Variants in ADAMTSL2 observed in about 807,000 individuals in gnomAD.
ADAMTSL2 encodes the protein ADAMTS like 2, also known as ADAMTS-like protein 2.
A neutral mutation model predicts 117.0 loss-of-function variants in ADAMTSL2; 55 were observed. The observed-to-expected ratio is 0.47, with a 90% CI of 0.38 to 0.59. The LOEUF (loss-of-function observed/expected upper bound fraction) is 0.59, where lower values mean the gene tolerates loss of function less well. Ranked by LOEUF, ADAMTSL2 falls within the 20% of genes least tolerant of loss-of-function variation. The probability of loss-of-function intolerance (pLI) is 0.00; values close to 1 mark genes in which losing one functional copy is unlikely to be tolerated. For missense variants in ADAMTSL2, 1,182 were observed against 1,354.5 expected (o/e 0.87, Z 2.00); for synonymous variants, 572 against 566.4 (o/e 1.01, Z -0.14).
At chr9:133,563,818 G>GGAGA (rs1359493983) in intron 12 of ADAMTSL2, among the ~76,000 whole-genome samples, 6 of 33,520 alleles carry the variant, frequency 1.8e-4, no homozygotes, top group East Asian at 4.1e-4. Flanking sequence ...AGAGAAAGGG[G>GGAGA]GAGAGAGAGA....
chr9:133,573,987 G>C lies in ADAMTSL2; in HGVS notation c.2737G>C (p.Asp913His). The C allele has an allele frequency of 1.9e-6, 3 of 1,612,352 alleles. No homozygotes were observed. The highest frequency in any genetic ancestry group is 2.5e-6 in the Non-Finnish European group (3 of 1,179,478). Residue 913 changes from aspartate to histidine, a missense_variant and splice_region_variant, in exon 18 of 19, where the codon GAT becomes CAT. Asp to His is a moderately conservative substitution (Grantham distance 81). Transcript: ENST00000651351. The part of the protein sequence containing the change: ...DLQPCPTEPP[D>H]DSCQDQPGTN... Reference sequence around the variant, plus strand: ...GCAGCCCTGCCCCACGGAGCCCCCAGGTGAGGCGCGGGGAGGCCGAGGGTG... The same window carrying C: ...GCAGCCCTGCCCCACGGAGCCCCCACGTGAGGCGCGGGGAGGCCGAGGGTG...
At position 133,554,063 on chromosome 9, in the gene ADAMTSL2, G is replaced by A. The variant is rs1033165675; in HGVS notation, c.940-294G>A. On this transcript the variant is annotated intron_variant, in intron 9 of 18. Coordinates refer to ENST00000651351, the MANE Select transcript of ADAMTSL2 (RefSeq NM_014694.4). This position sits in a 1 kb window ranked among gnomAD's most constrained non-coding sequence, Gnocchi z 5.2. ...TTCTCTGCATACAGCATGCAGAGAC[G>A]AGGGCCCACCTGGGCGTGCCTGGAA... 9.9e-5 allele frequency among the ~76,000 whole-genome samples: 15 copies of A among 152,214 alleles called. No individual in the cohort carries two copies. The highest frequency in any genetic ancestry group is 3.1e-4 in the African/African-American group (13 of 41,450).
chr9:133,535,388 G>A (rs545017341), intron 1 of ADAMTSL2, among the ~76,000 whole-genome samples: 1 of 151,282 alleles, frequency 6.6e-6, no homozygotes, highest in African/African-American at 2.4e-5. Context: ...GGGGGCAGGC[G>A]GCGGGGGCAG....
At chr9:133,543,391 C>CA (rs1294860377) in intron 7 of ADAMTSL2, among the ~76,000 whole-genome samples, 1 of 152,218 alleles carries the variant, frequency 6.6e-6, no homozygotes, top group Non-Finnish European at 1.5e-5. Flanking sequence ...TTTTAAAATG[C>CA]ATTTTGAAGT....
intron 8 of ADAMTSL2, among the ~76,000 whole-genome samples, chr9:133,545,249 C>T (rs117882621): frequency 2.0e-5 from 3 of 152,128 alleles, no homozygotes; most frequent in Non-Finnish European, 4.4e-5. Flanking sequence ...GCTCTGTGCT[C>T]GGCCCTTCCC....
rs138939595 is a variant in ADAMTSL2 at position 133,541,243 on chromosome 9, G to C, written c.682+242G>C. 2.0e-5 allele frequency among the ~76,000 whole-genome samples: 3 copies of C among 152,142 alleles called. No individual in the cohort carries two copies. In the East Asian group the frequency reaches 5.8e-4, roughly 29 times the overall value. On this transcript the variant is annotated intron_variant, in intron 7 of 18. Coordinates refer to ENST00000651351, the MANE Select transcript of ADAMTSL2 (RefSeq NM_014694.4). ...GTACCAGTGGACACTTGGCTTGGGGGTCACATTTGCCCTTTGAGACAGCCT... is the reference window on the plus strand; with the variant it reads ...GTACCAGTGGACACTTGGCTTGGGGCTCACATTTGCCCTTTGAGACAGCCT...
intron 18 of ADAMTSL2, 70 bp downstream of exon 18, chr9:133,574,057 A>G: frequency 6.5e-7 from 1 of 1,538,786 alleles, no homozygotes. Flanking sequence ...TCAGGGCCTG[A>G]GGGGTGAGCA....
At chr9:133,570,112 G>A (rs975808526) in intron 16 of ADAMTSL2, among the ~76,000 whole-genome samples, 2 of 152,252 alleles carry the variant, frequency 1.3e-5, no homozygotes, top group African/African-American at 4.8e-5. Flanking sequence ...TAGCCAATTT[G>A]TTTCAAAACA....
At position 133,534,729 on chromosome 9, in the gene ADAMTSL2, C is replaced by A. The variant is rs1032935367; in HGVS notation, c.-339C>A. On this transcript the variant is annotated 5_prime_UTR_variant, in exon 1 of 19. Coordinates refer to ENST00000651351, the MANE Select transcript of ADAMTSL2 (RefSeq NM_014694.4). ...ACTGGGCTGCGCCCCTCCCGGGAAC[C>A]CCCTCTCTTGGATGCTCTTTGAAGT... 2.9e-6 allele frequency: 4 copies of A among 1,386,052 alleles called. No individual in the cohort carries two copies. The highest frequency in any genetic ancestry group is 3.0e-5 in the African/African-American group (2 of 65,972). 85.9% of individuals were successfully genotyped at this position (1,386,052 alleles called of 1,614,324 possible).
intron 9 of ADAMTSL2, among the ~76,000 whole-genome samples, chr9:133,549,673 C>T (rs922882550): frequency 1.3e-5 from 2 of 151,662 alleles, no homozygotes; most frequent in Non-Finnish European, 2.9e-5. Context: ...GCGTGAGCCA[C>T]CTGCCTTGGC....
At chr9:133,535,509 A>G (rs1268495275) in intron 1 of ADAMTSL2, among the ~76,000 whole-genome samples, 1 of 152,124 alleles carries the variant, frequency 6.6e-6, no homozygotes, top group African/African-American at 2.4e-5. Context: ...GCCTGCAAGG[A>G]AACTCTTCAA....
intron 12 of ADAMTSL2, among the ~76,000 whole-genome samples, chr9:133,563,866 A>AGG (rs1830819478): frequency 2.1e-5 from 1 of 46,862 alleles, no homozygotes; most frequent in African/African-American, 9.8e-5. Flanking sequence ...AGAGAGAGGG[A>AGG]GAGAGAGAGA....
At chr9:133,564,633 A>AGAGAGAGGGAGAGAGG (rs1352690178) in intron 12 of ADAMTSL2, among the ~76,000 whole-genome samples, 3 of 53,580 alleles carry the variant, frequency 5.6e-5, no homozygotes, top group South Asian at 6.6e-4. Context: ...AGGGAGAGAG[A>AGAGAGAGGGAGAGAGG]GAGAGAGGGA....
chr9:133,564,633 AGAGAGAGG>A lies in ADAMTSL2; in HGVS notation c.1748-2279_1748-2272del, dbSNP rs1352690178. 5.0e-4 allele frequency among the ~76,000 whole-genome samples: 27 copies of A among 53,570 alleles called. 2 individuals carry two copies. The highest frequency in any genetic ancestry group is 7.7e-4 in the Non-Finnish European group (18 of 23,328). The allele number at this position is 53,570 out of a possible 152,430, so 35.1% of individuals were successfully genotyped here. A position where few individuals can be genotyped will look rare whatever the true frequency, so the allele number is the denominator to read the frequency against. On this transcript the variant is annotated intron_variant, in intron 12 of 18. Coordinates refer to ENST00000651351, the MANE Select transcript of ADAMTSL2 (RefSeq NM_014694.4). ...GAGAGAGAGAGAGAGAGGGAGAGAG[AGAGAGAGG>A]GAGAGAGGGAGAGAGGGAGAGAGAG...
At chr9:133,573,409 G>A (rs1371786536) in intron 17 of ADAMTSL2, among the ~76,000 whole-genome samples, 2 of 152,214 alleles carry the variant, frequency 1.3e-5, no homozygotes, top group African/African-American at 4.8e-5. Context: ...CAGGAAAGCT[G>A]GGGCCAGAGG....
intron 9 of ADAMTSL2, among the ~76,000 whole-genome samples, chr9:133,548,589 C>T (rs1395811586): frequency 6.0e-5 from 9 of 151,178 alleles, no homozygotes; most frequent in Non-Finnish European, 1.3e-4. Flanking sequence ...ACAGAGGGAG[C>T]AGCTGAGTTG....
Position 133,554,482 on chromosome 9 carries a change from G to A in ADAMTSL2, c.1065G>A (p.Leu355=), listed in dbSNP as rs1384979082. ...CCGAGAGCGCTGAGAGCCAGGGCCT[G>A]GACGGGGCCGGGCTGATGGGCTTCG... ...GFSESAESQG[L]DGAGLMGFVP... Residue 355 remains leucine, a synonymous_variant, in exon 10 of 19, where the codon CTG becomes CTA. Transcript: ENST00000651351. This position sits in a 1 kb window ranked among gnomAD's most constrained non-coding sequence, Gnocchi z 5.2. 4 of 1,551,740 alleles carry A rather than the reference G, an allele frequency of 2.6e-6. No individual in the cohort carries two copies. The highest frequency in any genetic ancestry group is 1.4e-5 in the African/African-American group (1 of 73,380).
In ADAMTSL2 at chr9:133,557,869, C is replaced by T. The variant is rs1366466336; in HGVS notation, c.1649+1939C>T. 5.9e-5 allele frequency among the ~76,000 whole-genome samples: 9 copies of T among 152,290 alleles called. No individual in the cohort carries two copies. Among genetic ancestry groups the T allele is most frequent in the South Asian group, 2.1e-4 (1 of 4,826 alleles). ...GTTTATCAGAGTGGCACCGAGGCCT[C>T]GCTGTGGAATTTGGCTTAAGGCATG... On this transcript the variant is annotated intron_variant, in intron 11 of 18. Transcript: ENST00000651351. The surrounding 1 kb of genome is among the most constrained non-coding windows in gnomAD (Gnocchi z 5.2).
Position 133,538,412 on chromosome 9 carries a change from C to T in ADAMTSL2, c.297C>T (p.Leu99=), listed in dbSNP as rs1347868101. ...TCTGTSKRYQ[L]CRVQECPPDG... Reference sequence around the variant, plus strand: ...CGGGCACGTCCAAGCGGTACCAGCTCTGCAGAGTGCAGGTGAGGCCCGGCC... The same window carrying T: ...CGGGCACGTCCAAGCGGTACCAGCTTTGCAGAGTGCAGGTGAGGCCCGGCC... Residue 99 remains leucine (L), a synonymous_variant, in exon 4 of 19, where the codon CTC becomes CTT. Coordinates refer to ENST00000651351, the MANE Select transcript of ADAMTSL2 (RefSeq NM_014694.4). 7 of 1,613,110 alleles carry T rather than the reference C, an allele frequency of 4.3e-6. No homozygotes were observed. Among genetic ancestry groups the T allele is most frequent in the African/African-American group, 4.0e-5 (3 of 74,956 alleles).
Sources: gnomAD v4.1 joint callset for allele counts (sites outside exome capture counted in the v4.1 genomes callset) on GRCh38, gnomAD v4.1.1 for gene constraint, Gnocchi (gnomAD v3.1) non-coding constraint, MANE v1.5 for transcripts, NCBI Gene and HGNC (gene_info 2026-07-23, HGNC 2026-07-21) for gene names.